Variants in HCN1 observed in about 807,000 individuals in gnomAD.
HCN1 encodes the protein potassium/sodium hyperpolarization-activated cyclic nucleotide-gated channel 1.
Under a neutral mutation model 78.9 loss-of-function variants are expected in HCN1, and 13 were observed. That is an observed-to-expected ratio of 0.16 (90% confidence interval 0.11 to 0.26). The LOEUF (loss-of-function observed/expected upper bound fraction) is 0.26, where lower values mean the gene tolerates loss of function less well. HCN1 is among the 10% of genes least tolerant of loss of function. The pLI is 1.00. For synonymous variants in HCN1, 552 were observed against 455.5 expected (o/e 1.21, Z -2.70); for missense variants, 810 against 1,154.3 (o/e 0.70, Z 4.32).
chr5:45,376,387 C>T (rs76739492), intron 4 of HCN1, among the ~76,000 whole-genome samples: 3,992 of 77,148 alleles, frequency 0.052, 230 homozygotes, highest in African/African-American at 0.16. Flanking sequence ...ATGACTAGAG[C>T]TGATTCTCTT....
intron 3 of HCN1, among the ~76,000 whole-genome samples, chr5:45,428,057 G>A (rs538103477): frequency 1.3e-5 from 2 of 151,998 alleles, no homozygotes; most frequent in South Asian, 4.2e-4. Flanking sequence ...GTTTTTCATT[G>A]TTCAAGCCAC....
At chr5:45,487,111 C>T (rs73101251) in intron 2 of HCN1, among the ~76,000 whole-genome samples, 48 of 152,234 alleles carry the variant, frequency 3.2e-4, no homozygotes, top group African/African-American at 1.0e-3. Context: ...AAACTTTGAA[C>T]AGTCCTCTGT....
intron 2 of HCN1, among the ~76,000 whole-genome samples, chr5:45,618,581 C>T (rs950463324): frequency 1.3e-5 from 2 of 152,206 alleles, no homozygotes; most frequent in African/African-American, 4.8e-5. Context: ...TTAGAGAACA[C>T]GTGTAATTCA....
At chr5:45,643,226 C>T (rs1745487394) in intron 2 of HCN1, 1 of 152,046 alleles carries the variant, frequency 6.6e-6, no homozygotes. Context: ...TCTTATATGA[C>T]CACATGGCCT....
At chr5:45,515,197 T>G (rs1742493697) in intron 2 of HCN1, among the ~76,000 whole-genome samples, 1 of 151,988 alleles carries the variant, frequency 6.6e-6, no homozygotes, top group African/African-American at 2.4e-5. Context: ...TACATCAGAT[T>G]CTGAGAAGTC....
At chr5:45,332,048 T>C (rs1746355855) in intron 5 of HCN1, among the ~76,000 whole-genome samples, 1 of 151,506 alleles carries the variant, frequency 6.6e-6, no homozygotes, top group Non-Finnish European at 1.5e-5. Flanking sequence ...GTAGTATACA[T>C]ATGTTCTTTA....
rs1185839411 is a variant in HCN1 at position 45,261,141 on chromosome 5, C to A, written c.*780G>T. The A allele has an allele frequency of 6.5e-5, 10 of 152,684 alleles. No individual in the cohort carries two copies. Among genetic ancestry groups the A allele is most frequent in the Middle Eastern group, 3.4e-3 (1 of 294 alleles). The allele number at this position is 152,684 out of a possible 1,614,324, so 9.5% of individuals were successfully genotyped here. Reference sequence around the variant, plus strand: ...TGAAGTGAAGCAATAAAACTAAATTCTTAAACAATGACTTTTACCTTCATA... The same window carrying A: ...TGAAGTGAAGCAATAAAACTAAATTATTAAACAATGACTTTTACCTTCATA... On this transcript the variant is annotated 3_prime_UTR_variant, in exon 8 of 8. Transcript: ENST00000303230.
chr5:45,655,063 G>A (rs1282005587), intron 1 of HCN1, among the ~76,000 whole-genome samples: 2 of 152,014 alleles, frequency 1.3e-5, no homozygotes, highest in Non-Finnish European at 2.9e-5. Flanking sequence ...GTTCCAGTTT[G>A]CAGGTGTGAT....
chr5:45,641,803 C>T (rs1745459517), intron 2 of HCN1: 1 of 152,142 alleles, frequency 6.6e-6, no homozygotes, highest in Non-Finnish European at 1.5e-5. Context: ...AACTCTTCAC[C>T]TTTACAAACT....
At chr5:45,282,240 C>T (rs914113709) in intron 6 of HCN1, among the ~76,000 whole-genome samples, 1 of 152,062 alleles carries the variant, frequency 6.6e-6, no homozygotes, top group African/African-American at 2.4e-5. Flanking sequence ...TTCATTTGTG[C>T]TCCATGTGTA....
At chr5:45,295,854 A>T (rs1390729340) in intron 6 of HCN1, among the ~76,000 whole-genome samples, 7 of 152,032 alleles carry the variant, frequency 4.6e-5, no homozygotes, top group Non-Finnish European at 1.0e-4. Context: ...GGTGTTATTG[A>T]TGTCAAGATT....
At chr5:45,362,342 C>T (rs1436018074) in intron 4 of HCN1, among the ~76,000 whole-genome samples, 2 of 151,940 alleles carry the variant, frequency 1.3e-5, no homozygotes, top group African/African-American at 4.8e-5. Context: ...ATTTCCTTCC[C>T]TCAACAGTTT....
chr5:45,373,625 C>T (rs1342331457), intron 4 of HCN1, among the ~76,000 whole-genome samples: 2 of 134,628 alleles, frequency 1.5e-5, no homozygotes, highest in African/African-American at 2.8e-5. Flanking sequence ...TAATATATTA[C>T]ATACGGTATA....
In HCN1 at chr5:45,347,708, C is replaced by T. The variant is rs564497330; in HGVS notation, c.1377+5392G>A. ...GCTGAAAGCCAAGGCTCGAGAACTACGTGAAGAATGCAGAAGCCTCAGGAG... is the reference window on the plus strand; with the variant it reads ...GCTGAAAGCCAAGGCTCGAGAACTATGTGAAGAATGCAGAAGCCTCAGGAG... On this transcript the variant is annotated intron_variant, in intron 5 of 7. Transcript: ENST00000303230. Among the ~76,000 whole-genome samples, 456 of 151,982 alleles carry T rather than the reference C, an allele frequency of 3.0e-3. 6 individuals are homozygous for T. Among genetic ancestry groups the T allele is most frequent in the African/African-American group, 1.0e-2 (414 of 41,452 alleles).
At chr5:45,668,774 T>C (rs750776123) in intron 1 of HCN1, among the ~76,000 whole-genome samples, 1 of 151,826 alleles carries the variant, frequency 6.6e-6, no homozygotes, top group Non-Finnish European at 1.5e-5. Context: ...ATGCTTGTTT[T>C]CCACTTTGCT....
rs1425217863 is a variant in HCN1, at chr5:45,581,223, T to C, written c.849+63962A>G. Among the ~76,000 whole-genome samples, 14 of 152,250 alleles carry C rather than the reference T, an allele frequency of 9.2e-5. No homozygotes were observed. In the South Asian group the frequency reaches 2.5e-3, roughly 27 times the overall value. On this transcript the variant is annotated intron_variant, in intron 2 of 7. Coordinates refer to ENST00000303230, the MANE Select transcript of HCN1 (RefSeq NM_021072.4). ...TGTTGTTTCCTGACTTTTTAATGAT[T>C]GCCATTCTAACTGGTGTGAGATGGT...
chr5:45,686,540 T>C (rs1294370723), intron 1 of HCN1, among the ~76,000 whole-genome samples: 2 of 152,206 alleles, frequency 1.3e-5, no homozygotes, highest in South Asian at 4.1e-4. Flanking sequence ...TCAACTTGTT[T>C]ACATTATTAT....
At chr5:45,278,550 A>T (rs72759956) in intron 6 of HCN1, among the ~76,000 whole-genome samples, 4,086 of 152,210 alleles carry the variant, frequency 0.027, 61 homozygotes, top group South Asian at 0.06. Flanking sequence ...TAATGAGCAA[A>T]TTGAAAGTAA....
chr5:45,534,363 T>C (rs1742920537), intron 2 of HCN1, among the ~76,000 whole-genome samples: 1 of 124,616 alleles, frequency 8.0e-6, no homozygotes, highest in Non-Finnish European at 1.6e-5. Flanking sequence ...GCCATTGCAT[T>C]CCATGCATTC....
Sources: allele counts gnomAD v4.1 joint callset (sites outside exome capture counted in the v4.1 genomes callset), GRCh38; gene constraint gnomAD v4.1.1; transcripts MANE v1.5; gene names NCBI Gene and HGNC (gene_info 2026-07-23, HGNC 2026-07-21).